Variants in EVL observed in about 807,000 individuals in gnomAD.
EVL encodes the protein ena/VASP-like protein.
In EVL, 21 loss-of-function variants were observed where a neutral mutation model predicts 59.6. That is an observed-to-expected ratio of 0.35 (90% CI 0.25 to 0.51). The LOEUF (loss-of-function observed/expected upper bound fraction) is 0.51. Ranked by LOEUF, EVL falls within the 20% of genes least tolerant of loss-of-function variation. The pLI is 0.97. For synonymous variants in EVL, 198 were observed against 203.5 expected (o/e 0.97, Z 0.23); for missense variants, 462 against 546.6 (o/e 0.85, Z 1.54).
Position 99,995,337 on chromosome 14 carries a change from T to C in EVL, c.5+23280T>C, listed in dbSNP as rs141245400. ...ACCTTTCTTTATTCTTTTTTCGTTT[T>C]ATCCCTCTGACTCAGTAATTTCAAA... is the stretch of plus-strand genomic sequence containing the variant. On this transcript the variant is annotated intron_variant, in intron 1 of 13. Coordinates refer to the EVL transcript ENST00000402714. Among the ~76,000 whole-genome samples the C allele has an allele frequency of 1.8e-3, 280 of 152,368 alleles. 1 individual carries two copies. The highest frequency in any genetic ancestry group is 6.7e-3 in the African/African-American group (277 of 41,582).
chr14:100,083,703 A>G (rs567561275), intron 1 of EVL, among the ~76,000 whole-genome samples: 1 of 152,334 alleles, frequency 6.6e-6, no homozygotes, highest in Non-Finnish European at 1.5e-5. Context: ...TCAGCAAAGT[A>G]TGGTGCAGCC....
chr14:100,053,219 CATA>C (rs2061674178), intron 1 of EVL, among the ~76,000 whole-genome samples: 1 of 152,168 alleles, frequency 6.6e-6, no homozygotes, highest in South Asian at 2.1e-4. Context: ...GAAAGATTAA[CATA>C]ATAATAGCTT....
intron 1 of EVL, among the ~76,000 whole-genome samples, chr14:100,000,319 T>C (rs1373200713): frequency 6.7e-6 from 1 of 149,796 alleles, no homozygotes; most frequent in African/African-American, 2.5e-5. Flanking sequence ...CATAGGTAGA[T>C]AAGAGACAAA....
At chr14:100,075,452 C>T (rs1376529956) in intron 1 of EVL, among the ~76,000 whole-genome samples, 1 of 152,260 alleles carries the variant, frequency 6.6e-6, no homozygotes, top group Non-Finnish European at 1.5e-5. Context: ...ACTTTACAAA[C>T]TGCCTCAGTC....
At chr14:100,004,104 T>G (rs1179679178) in intron 1 of EVL, among the ~76,000 whole-genome samples, 1 of 152,216 alleles carries the variant, frequency 6.6e-6, no homozygotes, top group Non-Finnish European at 1.5e-5. Context: ...CTTGGGAGGC[T>G]GAGGCACAAG....
At chr14:99,971,503 C>T (rs904728784) in exon 1 of EVL, 14 of 151,728 alleles carry the variant, frequency 9.2e-5, no homozygotes, top group Non-Finnish European at 1.9e-4. Flanking sequence ...CGCTCATTCA[C>T]CTCAGCGGCC....
intron 1 of EVL, among the ~76,000 whole-genome samples, chr14:100,070,154 A>G (rs1340707253): frequency 6.6e-6 from 1 of 152,110 alleles, no homozygotes; most frequent in Non-Finnish European, 1.5e-5. Context: ...TATAGTCCCA[A>G]CTTCTCAGGA....
chr14:100,025,665 C>T lies in EVL; in HGVS notation c.5+53608C>T, dbSNP rs57122579. Among the ~76,000 whole-genome samples, 149 of 152,294 alleles carry T rather than the reference C, an allele frequency of 9.8e-4. 2 individuals are homozygous for T. Among genetic ancestry groups the T allele is most frequent in the African/African-American group, 3.4e-3 (140 of 41,564 alleles). On this transcript the variant is annotated intron_variant, in intron 1 of 13. Transcript: ENST00000402714. ...ACAGTTGGCGGGGCGTGGTGGCTCA[C>T]GCCTGTAACCCCAGCACTTTGGGAG... is the stretch of plus-strand genomic sequence containing the variant.
intron 2 of EVL, among the ~76,000 whole-genome samples, chr14:100,091,677 G>C (rs1008784073): frequency 6.6e-6 from 1 of 152,048 alleles, no homozygotes; most frequent in Non-Finnish European, 1.5e-5. Context: ...CTAGGTAAAC[G>C]GTTTCCCTGA....
rs1887841619 is a variant in EVL, at chr14:100,123,639, C to T, written c.422+37C>T. ...CCCGCAGGGGCCAGGCTGGTCATCT[C>T]CCAATCAGGCTGGGTGGCCAGGGGT... On this transcript the variant is annotated intron_variant, in intron 4 of 13. Transcript: ENST00000392920. The T allele has an allele frequency of 4.3e-6, 7 of 1,610,544 alleles. No individual in the cohort carries two copies. In the East Asian group the frequency reaches 1.3e-4, roughly 31 times the overall value.
chr14:100,090,555 G>C (rs1466987204), intron 2 of EVL, among the ~76,000 whole-genome samples: 1 of 152,122 alleles, frequency 6.6e-6, no homozygotes, highest in African/African-American at 2.4e-5. Flanking sequence ...AAGTAAGCCT[G>C]AACAAACGAT....
chr14:100,009,327 T>C (rs2061002048), intron 1 of EVL, among the ~76,000 whole-genome samples: 1 of 152,220 alleles, frequency 6.6e-6, no homozygotes, highest in Admixed American at 6.5e-5. Flanking sequence ...TCTCCCTACC[T>C]TCAAAATAAA....
At chr14:100,028,533 C>T (rs758084929) in intron 1 of EVL, among the ~76,000 whole-genome samples, 1 of 152,264 alleles carries the variant, frequency 6.6e-6, no homozygotes, top group African/African-American at 2.4e-5. Flanking sequence ...AATCTATCGG[C>T]CGGGCGCGGT....
rs1479601694 is a variant in EVL at position 100,137,952 on chromosome 14, C to T, written c.1094+150C>T. On this transcript the variant is annotated intron_variant, in intron 11 of 13. Coordinates refer to ENST00000392920, the MANE Select transcript of EVL (RefSeq NM_016337.3). ...TGGTCTGTTCTTTCAGACCCAGGAC[C>T]TCGGGGTCCTGTCAGTCAGCTGCTC... 1.4e-5 allele frequency: 10 copies of T among 724,828 alleles called. No homozygotes were observed. In the East Asian group the frequency reaches 2.6e-4, roughly 19 times the overall value. The allele number at this position is 724,828 out of a possible 1,614,324, so 44.9% of individuals were successfully genotyped here. A position where few individuals can be genotyped will look rare whatever the true frequency, so the allele number is the denominator to read the frequency against.
intron 1 of EVL, among the ~76,000 whole-genome samples, chr14:100,013,989 G>T (rs2061034104): frequency 6.6e-6 from 1 of 152,092 alleles, no homozygotes; most frequent in African/African-American, 2.4e-5. Flanking sequence ...GGACAAATGG[G>T]GTATCCATCA....
chr14:100,141,956 A>C, intron 13 of EVL, 163 bp downstream of exon 13: 1 of 564,368 alleles, frequency 1.8e-6, no homozygotes, highest in Non-Finnish European at 3.0e-6. Flanking sequence ...AAACAGGCTC[A>C]GGAAAGCTGA....
chr14:100,124,212 C>T (rs896947209), intron 4 of EVL, among the ~76,000 whole-genome samples: 9 of 152,158 alleles, frequency 5.9e-5, no homozygotes, highest in African/African-American at 1.2e-4. Flanking sequence ...TCTTCTGTGT[C>T]GAGGGAGGTA....
intron 4 of EVL, 127 bp downstream of exon 4, chr14:100,123,729 A>G: frequency 1.1e-6 from 1 of 924,952 alleles, no homozygotes; most frequent in South Asian, 1.5e-5. Flanking sequence ...ACACTGCGGG[A>G]GGGTGCAAGG....
intron 2 of EVL, among the ~76,000 whole-genome samples, chr14:100,088,637 A>C (rs2062498414): frequency 6.6e-6 from 1 of 152,212 alleles, no homozygotes; most frequent in South Asian, 2.1e-4. Flanking sequence ...ACCGTACTAT[A>C]GTCTTATGGG....
Sources: allele counts gnomAD v4.1 joint callset (sites outside exome capture counted in the v4.1 genomes callset), GRCh38; gene constraint gnomAD v4.1.1; transcripts MANE v1.5; gene names NCBI Gene and HGNC (gene_info 2026-07-23, HGNC 2026-07-21).